TMEFF2: variants seen among roughly 807,000 people sequenced by gnomAD.
The protein encoded by TMEFF2 is tomoregulin-2.
TMEFF2 carries 28 observed loss-of-function variants against 53.8 expected under a neutral mutation model. The ratio of observed to expected loss-of-function variants is 0.52; its 90% CI spans 0.39 to 0.71. The LOEUF (loss-of-function observed/expected upper bound fraction) is 0.71, where lower values mean the gene tolerates loss of function less well. TMEFF2 is among the 30% of genes least tolerant of loss of function. The pLI is 0.00. For missense variants in TMEFF2, 353 were observed against 455.2 expected (o/e 0.78, Z 2.04); for synonymous variants, 162 against 166.3 (o/e 0.97, Z 0.20).
At chr2:192,087,324 C>T (rs937045744) in intron 4 of TMEFF2, among the ~76,000 whole-genome samples, 1 of 151,858 alleles carries the variant, frequency 6.6e-6, no homozygotes, top group Non-Finnish European at 1.5e-5. Context: ...GCCAGGGTTG[C>T]GGAAATCATA....
chr2:192,106,977 G>A (rs1441705126), intron 4 of TMEFF2, among the ~76,000 whole-genome samples: 1 of 151,614 alleles, frequency 6.6e-6, no homozygotes. Flanking sequence ...ATGTCTATTT[G>A]GCTGGGATTA....
intron 5 of TMEFF2, chr2:192,043,564 A>C (rs1301436809): frequency 6.6e-6 from 1 of 152,248 alleles, no homozygotes; most frequent in East Asian, 1.9e-4. Context: ...GTACAGGCTT[A>C]TGGAGGTCAG....
intron 5 of TMEFF2, chr2:192,035,486 T>C (rs1333578765): frequency 6.6e-6 from 1 of 152,242 alleles, no homozygotes; most frequent in Non-Finnish European, 1.5e-5. Context: ...AAATGGAAGA[T>C]GGCAGCTCCT....
intron 4 of TMEFF2, among the ~76,000 whole-genome samples, chr2:192,136,765 T>G (rs1464928596): frequency 6.6e-6 from 1 of 152,210 alleles, no homozygotes; most frequent in African/African-American, 2.4e-5. Flanking sequence ...AAATTAATAT[T>G]TGACACCTGT....
At chr2:192,177,895 G>A (rs1471331122) in intron 4 of TMEFF2, 1 of 150,908 alleles carries the variant, frequency 6.6e-6, no homozygotes, top group African/African-American at 2.4e-5. Flanking sequence ...ATTTGCATGT[G>A]CTAATAACAA....
intron 7 of TMEFF2, among the ~76,000 whole-genome samples, chr2:191,961,762 CTAGCT>C (rs1692280682): frequency 2.0e-5 from 3 of 152,150 alleles, no homozygotes; most frequent in African/African-American, 7.2e-5. Flanking sequence ...AACCTCATAT[CTAGCT>C]TGAGTTGCAA....
intron 4 of TMEFF2, among the ~76,000 whole-genome samples, chr2:192,118,388 T>A (rs980141649): frequency 1.3e-5 from 2 of 152,166 alleles, no homozygotes; most frequent in African/African-American, 4.8e-5. Flanking sequence ...TACTCCTCCA[T>A]AATAGCTCTA....
intron 4 of TMEFF2, among the ~76,000 whole-genome samples, chr2:192,120,078 T>A (rs1689512687): frequency 6.6e-6 from 1 of 152,096 alleles, no homozygotes; most frequent in Non-Finnish European, 1.5e-5. Context: ...GAAACAAAAG[T>A]TTCCTATGGG....
intron 4 of TMEFF2, among the ~76,000 whole-genome samples, chr2:192,112,012 G>A (rs1689290579): frequency 6.6e-6 from 1 of 152,234 alleles, no homozygotes; most frequent in Non-Finnish European, 1.5e-5. Flanking sequence ...TGCCCAGGCA[G>A]AAGCCTGCTG....
intron 4 of TMEFF2, among the ~76,000 whole-genome samples, chr2:192,148,831 C>T (rs139927161): frequency 9.3e-4 from 142 of 152,134 alleles, no homozygotes; most frequent in African/African-American, 3.4e-3. Flanking sequence ...CTAGTTGTTA[C>T]TGCTGAAAGC....
intron 7 of TMEFF2, 60 bp downstream of exon 7, chr2:191,998,202 T>C: frequency 2.3e-6 from 3 of 1,333,068 alleles, no homozygotes; most frequent in Non-Finnish European, 3.1e-6. Flanking sequence ...TAAACAACCA[T>C]TTCCCAGGAC....
chr2:192,114,230 A>G (rs1689348979), intron 4 of TMEFF2, among the ~76,000 whole-genome samples: 1 of 151,990 alleles, frequency 6.6e-6, no homozygotes, highest in African/African-American at 2.4e-5. Flanking sequence ...AAAGAATCAT[A>G]TTATGTTATA....
At chr2:192,188,438 G>A (rs909785711) in intron 2 of TMEFF2, among the ~76,000 whole-genome samples, 3 of 152,152 alleles carry the variant, frequency 2.0e-5, no homozygotes, top group Admixed American at 1.3e-4. Flanking sequence ...CCCTCAGATC[G>A]GTATAGCACC....
chr2:192,049,394 T>C (rs1687708155), intron 5 of TMEFF2, among the ~76,000 whole-genome samples: 1 of 152,178 alleles, frequency 6.6e-6, no homozygotes, highest in Non-Finnish European at 1.5e-5. Flanking sequence ...GAGGATTAAA[T>C]GGCTCTATAA....
intron 5 of TMEFF2, among the ~76,000 whole-genome samples, chr2:192,046,367 GA>G (rs1332302374): frequency 6.6e-6 from 1 of 151,248 alleles, no homozygotes; most frequent in Admixed American, 6.6e-5. Flanking sequence ...CTGTCTCAAA[GA>G]AAAAAAAGAA....
rs528237961 is a variant in TMEFF2 at position 192,019,429 on chromosome 2, C to CA, written c.537-20222dup. On this transcript the variant is annotated intron_variant, in intron 5 of 9. Transcript: ENST00000272771. Reference sequence around the variant, plus strand: ...CACTTTGGCTAAACAATTTAAATAACAAAAAAAATAAAGCCACATTGCATA... The same window carrying CA: ...CACTTTGGCTAAACAATTTAAATAACAAAAAAAAATAAAGCCACATTGCATA... Among the ~76,000 whole-genome samples the CA allele has an allele frequency of 4.9e-3, 740 of 150,708 alleles. 10 individuals are homozygous for CA. Among genetic ancestry groups the CA allele is most frequent in the African/African-American group, 0.017 (699 of 41,170 alleles).
chr2:191,999,256 C>A, intron 5 of TMEFF2, 48 bp from the exon 6 acceptor site: 1 of 1,433,086 alleles, frequency 7.0e-7, no homozygotes, highest in Non-Finnish European at 9.4e-7. Context: ...AGTGTTGTTA[C>A]CACATTATAA....
chr2:192,001,605 TGTGGGAGCGACCTG>T (rs1686362064), intron 5 of TMEFF2, among the ~76,000 whole-genome samples: 1 of 152,146 alleles, frequency 6.6e-6, no homozygotes, highest in Non-Finnish European at 1.5e-5. Flanking sequence ...TCCTATGTGT[TGTGGGAGCGACCTG>T]GTGGGAGATA....
At chr2:192,014,438 T>C (rs1468317764) in intron 5 of TMEFF2, among the ~76,000 whole-genome samples, 1 of 152,240 alleles carries the variant, frequency 6.6e-6, no homozygotes, top group Non-Finnish European at 1.5e-5. Flanking sequence ...CTGAATCTCC[T>C]TATTCTGAAC....
Sources: allele counts gnomAD v4.1 joint callset (sites outside exome capture counted in the v4.1 genomes callset), GRCh38; gene constraint gnomAD v4.1.1; transcripts MANE v1.5; gene names NCBI Gene and HGNC (gene_info 2026-07-23, HGNC 2026-07-21).